CNNM4: variants seen among roughly 807,000 people sequenced by gnomAD.
The protein encoded by CNNM4 is metal transporter CNNM4.
A neutral mutation model predicts 53.7 loss-of-function variants in CNNM4; 32 were observed. The observed-to-expected ratio is 0.60, with a 90% CI of 0.45 to 0.80. The LOEUF (loss-of-function observed/expected upper bound fraction) is 0.80. CNNM4 is among the 30% of genes least tolerant of loss of function. CNNM4 has a pLI of 0.00. For synonymous variants in CNNM4, 410 were observed against 440.0 expected, an observed-to-expected ratio of 0.93 and a Z score of 0.85; for missense variants, 784 against 1,022.0, an observed-to-expected ratio of 0.77 and a Z score of 3.17.
intron 1 of CNNM4, among the ~76,000 whole-genome samples, chr2:96,766,732 A>G (rs1382858170): frequency 6.6e-6 from 1 of 152,248 alleles, no homozygotes; most frequent in Non-Finnish European, 1.5e-5. Flanking sequence ...TCTAGCCCCT[A>G]GAATGGCTCT....
At position 96,810,148 on chromosome 2, in the gene CNNM4, G is replaced by C. The variant is rs1031652726; in HGVS notation, c.*631G>C. The C allele has an allele frequency of 1.3e-5, 2 of 152,824 alleles. No individual in the cohort carries two copies. Among genetic ancestry groups the C allele is most frequent in the Non-Finnish European group, 2.9e-5 (2 of 68,386 alleles). 9.5% of individuals were successfully genotyped at this position (152,824 alleles called of 1,614,324 possible). On this transcript the variant is annotated 3_prime_UTR_variant, in exon 7 of 7. Coordinates refer to ENST00000377075, the MANE Select transcript of CNNM4 (RefSeq NM_020184.4). This position sits in a 1 kb window ranked among gnomAD's most constrained non-coding sequence, Gnocchi z 4.1. ...ACAACGCTGAGGCCACGAGCTCCTG[G>C]GTAGCTGTGATCAGGGACATGATAA...
At chr2:96,772,332 ACT>A (rs2078881070) in intron 1 of CNNM4, among the ~76,000 whole-genome samples, 1 of 134,614 alleles carries the variant, frequency 7.4e-6, no homozygotes, top group South Asian at 2.4e-4. Context: ...GCGCACACAC[ACT>A]CATACCCCTC....
intron 1 of CNNM4, among the ~76,000 whole-genome samples, chr2:96,768,816 C>T (rs1409345070): frequency 6.6e-6 from 1 of 152,170 alleles, no homozygotes; most frequent in Non-Finnish European, 1.5e-5. Context: ...CGAGAGTCTG[C>T]ATTTCTGACA....
chr2:96,797,703 C>A lies in CNNM4; in HGVS notation c.1681+56C>A. The A allele has an allele frequency of 6.2e-7, 1 of 1,605,650 alleles. No individual in the cohort carries two copies. The highest frequency in any genetic ancestry group is 1.1e-5 in the South Asian group (1 of 90,822). On this transcript the variant is annotated intron_variant, in intron 3 of 6. Coordinates refer to ENST00000377075, the MANE Select transcript of CNNM4 (RefSeq NM_020184.4). The surrounding 1 kb of genome is among the most constrained non-coding windows in gnomAD (Gnocchi z 6.0). ...GGAAATACGGTCACGGGGGAGAAGT[C>A]CTGGGTTTCCGGCTGCTTTCCCCCC...
intron 1 of CNNM4, among the ~76,000 whole-genome samples, chr2:96,795,455 G>A (rs993139470): frequency 2.6e-5 from 4 of 151,688 alleles, no homozygotes; most frequent in African/African-American, 9.7e-5. Context: ...CATAGCCCCT[G>A]GCATGTGTGT....
rs1268325283 is a variant in CNNM4 at position 96,806,071 on chromosome 2, A to G, written c.1949-2490A>G. On this transcript the variant is annotated intron_variant, in intron 5 of 6. Transcript: ENST00000377075. ...TCCCGGACGGGGCGGCTGGCCGGGC[A>G]GGGGGGCTGACCCCCCCCAACCTCC... is the stretch of plus-strand genomic sequence containing the variant. Among the ~76,000 whole-genome samples, 7 of 139,740 alleles carry G rather than the reference A, an allele frequency of 5.0e-5. No homozygotes were observed. The South Asian group carries it at 6.4e-4, about 13-fold the overall frequency. 91.7% of individuals were successfully genotyped at this position (139,740 alleles called of 152,430 possible). A position where few individuals can be genotyped will look rare whatever the true frequency, so the allele number is the denominator to read the frequency against.
At chr2:96,789,511 G>A (rs2079042280) in intron 1 of CNNM4, among the ~76,000 whole-genome samples, 2 of 152,106 alleles carry the variant, frequency 1.3e-5, no homozygotes, top group Admixed American at 6.5e-5. Context: ...GACAGAGGTC[G>A]CTGGAGGGCA....
At chr2:96,802,793 A>G (rs1322325679) in intron 5 of CNNM4, among the ~76,000 whole-genome samples, 3 of 152,190 alleles carry the variant, frequency 2.0e-5, no homozygotes, top group African/African-American at 4.8e-5. Context: ...CTGGCCTTGG[A>G]TGTGTCATGC....
intron 1 of CNNM4, 45 bp downstream of exon 1, chr2:96,762,446 C>T: frequency 6.5e-7 from 1 of 1,549,320 alleles, no homozygotes; most frequent in Non-Finnish European, 8.9e-7. Flanking sequence ...CTCTTGACGC[C>T]TCTTTTCCCC....
intron 1 of CNNM4, among the ~76,000 whole-genome samples, chr2:96,791,074 C>T (rs2079058250): frequency 6.7e-6 from 1 of 149,416 alleles, no homozygotes; most frequent in African/African-American, 2.5e-5. Flanking sequence ...AAGCTGAGAT[C>T]GCACCACTGC....
chr2:96,801,070 A>G lies in CNNM4; in HGVS notation c.1948+1422A>G, dbSNP rs909908396. On this transcript the variant is annotated intron_variant, in intron 5 of 6. Transcript: ENST00000377075. This position sits in a 1 kb window ranked among gnomAD's most constrained non-coding sequence, Gnocchi z 5.6. ...CATCACTGACCTTCTCTTTTGCTCC[A>G]GTGCCTTCAGTCCAGGTCGGGTGTC... 3.3e-5 allele frequency: 33 copies of G among 985,160 alleles called. No individual in the cohort carries two copies. Among genetic ancestry groups the G allele is most frequent in the Admixed American group, 1.8e-4 (3 of 16,266 alleles). The allele number at this position is 985,160 out of a possible 1,614,324, so 61.0% of individuals were successfully genotyped here. A position where few individuals can be genotyped will look rare whatever the true frequency, so the allele number is the denominator to read the frequency against.
intron 1 of CNNM4, among the ~76,000 whole-genome samples, chr2:96,772,362 T>C (rs950615380): frequency 4.6e-4 from 48 of 105,476 alleles, no homozygotes; most frequent in South Asian, 1.0e-3. Flanking sequence ...CACAGGCAGG[T>C]GCTCACACAC....
chr2:96,764,533 A>G, intron 1 of CNNM4, among the ~76,000 whole-genome samples: 1 of 151,842 alleles, frequency 6.6e-6, no homozygotes, highest in South Asian at 2.1e-4. Context: ...TTATGCCATC[A>G]CTTACTTCCC....
intron 5 of CNNM4, among the ~76,000 whole-genome samples, chr2:96,803,474 C>T (rs2079175773): frequency 6.6e-6 from 1 of 152,088 alleles, no homozygotes; most frequent in South Asian, 2.1e-4. Context: ...CCTGTAATCC[C>T]AACACTTTGG....
chr2:96,796,402 G>A (rs1331008157), intron 1 of CNNM4, among the ~76,000 whole-genome samples: 3 of 150,494 alleles, frequency 2.0e-5, no homozygotes, highest in African/African-American at 2.4e-5. Context: ...GCTTCAGCCC[G>A]TCCAAGGTGC....
rs1290639881 is a variant in CNNM4 at position 96,761,972 on chromosome 2, G to A, written c.973G>A (p.Asp325Asn). The change falls in exon 1 of 7, where the codon GAC (aspartate) becomes AAC (asparagine). Residue 325 changes from aspartate to asparagine, a missense_variant. Asp to Asn is a conservative substitution (Grantham distance 23). Around this residue, in one of 3 missense-constraint regions of CNNM4, gnomAD observed 473 missense variants for 624.6 expected, o/e 0.76. Transcript: ENST00000377075. The surrounding 1 kb of genome is among the most constrained non-coding windows in gnomAD (Gnocchi z 6.0). Reference sequence around the variant, plus strand: ...CAGTTTTCCCATTAGCAAGCTCCTGGACTTTTTTCTGGGCCAGGAGATTCG... The same window carrying A: ...CAGTTTTCCCATTAGCAAGCTCCTGAACTTTTTTCTGGGCCAGGAGATTCG... ...PLSFPISKLL[D>N]FFLGQEIRTV... 6.2e-7 allele frequency: 1 copy of A among 1,614,028 alleles called. No individual in the cohort carries two copies. The highest frequency in any genetic ancestry group is 8.5e-7 in the Non-Finnish European group (1 of 1,180,038).
intron 5 of CNNM4, among the ~76,000 whole-genome samples, chr2:96,802,472 G>A (rs760352798): frequency 3.9e-5 from 6 of 152,224 alleles, no homozygotes; most frequent in Non-Finnish European, 5.9e-5. Context: ...TTTGCTTCCC[G>A]TTCAGCTGCT....
In CNNM4 at chr2:96,797,362, G is replaced by A. The variant is rs1206484464; in HGVS notation, c.1547-151G>A. The A allele has an allele frequency of 5.1e-6, 7 of 1,365,534 alleles. No individual in the cohort carries two copies. The highest frequency in any genetic ancestry group is 1.4e-5 in the African/African-American group (1 of 70,080). 84.6% of individuals were successfully genotyped at this position (1,365,534 alleles called of 1,614,324 possible). ...GGCTGCCTTCACCCTCGGCCTTTGT[G>A]CCTCGGCGTCAGCCCAGGACCCTGC... On this transcript the variant is annotated intron_variant, in intron 2 of 6. Coordinates refer to ENST00000377075, the MANE Select transcript of CNNM4 (RefSeq NM_020184.4). The surrounding 1 kb of genome is among the most constrained non-coding windows in gnomAD (Gnocchi z 6.0).
chr2:96,791,204 G>A (rs2079059605), intron 1 of CNNM4, among the ~76,000 whole-genome samples: 1 of 151,906 alleles, frequency 6.6e-6, no homozygotes, highest in South Asian at 2.1e-4. Context: ...CAGGAGGCTG[G>A]TGATCCACCT....
Sources: gnomAD v4.1 joint callset for allele counts (sites outside exome capture counted in the v4.1 genomes callset) on GRCh38, gnomAD v4.1.1 for gene constraint, gnomAD v4.1.1 regional missense constraint, Gnocchi (gnomAD v3.1) non-coding constraint, MANE v1.5 for transcripts, NCBI Gene and HGNC (gene_info 2026-07-23, HGNC 2026-07-21) for gene names.